Variants in CTNNA3 observed in about 807,000 individuals in gnomAD.
The protein encoded by CTNNA3 is catenin alpha-3.
Under a neutral mutation model 95.7 loss-of-function variants are expected in CTNNA3, and 76 were observed. The ratio of observed to expected loss-of-function variants is 0.79; its 90% CI spans 0.66 to 0.96. CTNNA3 has a LOEUF of 0.96. Ranked by LOEUF, CTNNA3 falls within the 40% of genes least tolerant of loss-of-function variation. The pLI, the probability that CTNNA3 is intolerant of heterozygous loss-of-function variation, is 0.00. For synonymous variants in CTNNA3, 431 were observed against 374.4 expected (o/e 1.15, Z -1.74); for missense variants, 1,191 against 1,089.8 (o/e 1.09, Z -1.31).
chr10:66,133,839 T>C (rs776374360), intron 13 of CTNNA3, among the ~76,000 whole-genome samples: 8 of 152,174 alleles, frequency 5.3e-5, no homozygotes, highest in Non-Finnish European at 1.0e-4. Flanking sequence ...TGACATAAAA[T>C]GGATGTGAAC....
At position 67,743,468 on chromosome 10, in the gene CTNNA3, C is replaced by T. The variant is rs552551243; in HGVS notation, c.-2+19966G>A. ...ATTCAACAACGCTTCATGCTAAAAA[C>T]TCTCAATAAATTAGGTATTGATGGG... On this transcript the variant is annotated intron_variant, in intron 1 of 17. Coordinates refer to the CTNNA3 transcript ENST00000684154. 6.1e-4 allele frequency among the ~76,000 whole-genome samples: 92 copies of T among 151,402 alleles called. 3 individuals carry two copies. Among genetic ancestry groups the T allele is most frequent in the African/African-American group, 2.1e-3 (88 of 41,400 alleles).
chr10:67,378,745 T>C lies in CTNNA3; in HGVS notation c.579+143097A>G, dbSNP rs556203211. On this transcript the variant is annotated intron_variant, in intron 5 of 17. Transcript: ENST00000433211. ...GAATGACAGGATTTCATTCTTTTTA[T>C]GGCTGAATAGTGTTAATGGAATATA... 2.6e-5 allele frequency among the ~76,000 whole-genome samples: 4 copies of C among 152,288 alleles called. No individual in the cohort carries two copies. The East Asian group carries it at 5.8e-4, about 22-fold the overall frequency.
At chr10:66,017,983 G>A (rs559390624) in intron 15 of CTNNA3, among the ~76,000 whole-genome samples, 15 of 152,000 alleles carry the variant, frequency 9.9e-5, no homozygotes, top group Admixed American at 3.3e-4. Flanking sequence ...CCATGAGCTC[G>A]GAAGGTACTA....
intron 14 of CTNNA3, among the ~76,000 whole-genome samples, chr10:66,100,207 G>C (rs570812755): frequency 3.9e-5 from 6 of 152,036 alleles, no homozygotes; most frequent in Non-Finnish European, 7.4e-5. Context: ...TCCTACTGGG[G>C]ACCCTTTCAG....
chr10:66,933,688 T>C (rs1034692007), intron 7 of CTNNA3, among the ~76,000 whole-genome samples: 5 of 152,208 alleles, frequency 3.3e-5, no homozygotes, highest in Non-Finnish European at 7.4e-5. Flanking sequence ...CTATTGACTT[T>C]ATCAATTATA....
At chr10:66,743,324 A>G (rs1177202528) in intron 9 of CTNNA3, among the ~76,000 whole-genome samples, 1 of 152,226 alleles carries the variant, frequency 6.6e-6, no homozygotes, top group Non-Finnish European at 1.5e-5. Flanking sequence ...TTAGAGGAAA[A>G]GATCGTACAA....
chr10:66,401,658 C>CT (rs540003137), intron 11 of CTNNA3, among the ~76,000 whole-genome samples: 33,217 of 116,182 alleles, frequency 0.29, 6,377 homozygotes, highest in East Asian at 0.44. Flanking sequence ...CCATTTCTTT[C>CT]TTTTTTTTTT....
intron 7 of CTNNA3, chr10:66,926,503 TG>T (rs1847082157): frequency 6.5e-7 from 1 of 1,541,302 alleles, no homozygotes; most frequent in Non-Finnish European, 8.9e-7. Context: ...CTCACTACAG[TG>T]CAGCTGACAG....
Position 65,917,427 on chromosome 10 carries a change from C to G in CTNNA3, c.*2903G>C, listed in dbSNP as rs1396968338. The stretch of plus-strand genomic sequence containing the variant: ...ATTTGATAGAAATCTTCAAATTTCT[C>G]TAATTAGAAGGCCATTTAGTGGATT... On this transcript the variant is annotated 3_prime_UTR_variant, in exon 18 of 18. Coordinates refer to ENST00000433211, the MANE Select transcript of CTNNA3 (RefSeq NM_013266.4). 2 of 149,564 alleles carry G rather than the reference C, an allele frequency of 1.3e-5. No individual in the cohort carries two copies. Among genetic ancestry groups the G allele is most frequent in the East Asian group, 4.0e-4 (2 of 5,056 alleles). The allele number at this position is 149,564 out of a possible 1,614,324, so 9.3% of individuals were successfully genotyped here. A position where few individuals can be genotyped will look rare whatever the true frequency, so the allele number is the denominator to read the frequency against.
intron 5 of CTNNA3, among the ~76,000 whole-genome samples, chr10:67,294,001 C>T (rs1162287878): frequency 1.3e-5 from 2 of 151,980 alleles, no homozygotes; most frequent in African/African-American, 4.8e-5. Context: ...ATTTTAAGTG[C>T]TCTAGGTTCA....
chr10:66,911,334 G>T (rs1409984109), intron 7 of CTNNA3, among the ~76,000 whole-genome samples: 1 of 152,226 alleles, frequency 6.6e-6, no homozygotes, highest in East Asian at 1.9e-4. Flanking sequence ...CTTTTGGATG[G>T]CGAGATCATG....
At chr10:65,978,311 T>C (rs2078247637) in intron 16 of CTNNA3, among the ~76,000 whole-genome samples, 1 of 152,184 alleles carries the variant, frequency 6.6e-6, no homozygotes, top group South Asian at 2.1e-4. Flanking sequence ...TCCTCCCTTA[T>C]ATCACCTCTC....
chr10:67,438,685 C>A (rs1378526162), intron 5 of CTNNA3, among the ~76,000 whole-genome samples: 4 of 152,168 alleles, frequency 2.6e-5, no homozygotes, highest in Admixed American at 1.3e-4. Context: ...GCCACCCCTC[C>A]CCAATCTCCA....
chr10:66,944,672 C>T (rs1848191797), intron 7 of CTNNA3, among the ~76,000 whole-genome samples: 1 of 152,144 alleles, frequency 6.6e-6, no homozygotes, highest in African/African-American at 2.4e-5. Flanking sequence ...TTGCCCAGAT[C>T]CATCAAAGGA....
At chr10:67,489,457 T>C (rs973701983) in intron 5 of CTNNA3, among the ~76,000 whole-genome samples, 3 of 152,182 alleles carry the variant, frequency 2.0e-5, no homozygotes, top group African/African-American at 7.2e-5. Context: ...CATTTGAGCA[T>C]GTATTCACTA....
At chr10:67,008,541 T>C (rs1852139462) in intron 7 of CTNNA3, among the ~76,000 whole-genome samples, 1 of 152,190 alleles carries the variant, frequency 6.6e-6, no homozygotes, top group Non-Finnish European at 1.5e-5. Flanking sequence ...TGTTCATAAT[T>C]GTGTGAGTTA....
chr10:67,607,824 C>G (rs1843331828), intron 2 of CTNNA3, among the ~76,000 whole-genome samples: 1 of 152,214 alleles, frequency 6.6e-6, no homozygotes, highest in South Asian at 2.1e-4. Context: ...CTCTCTTCAA[C>G]TACCCCAGTC....
rs537424684 is a variant in CTNNA3, at chr10:66,229,019, G to A, written c.1884+51451C>T. Among the ~76,000 whole-genome samples the A allele has an allele frequency of 3.3e-5, 5 of 152,240 alleles. No homozygotes were observed. The South Asian group carries it at 8.3e-4, about 25-fold the overall frequency. On this transcript the variant is annotated intron_variant, in intron 13 of 17. Transcript: ENST00000433211. ...CCATTCTTTGACTTTCAGTCTGCAT[G>A]TGTATTTCCAGGTAAAGTGAGCTTC...
intron 15 of CTNNA3, among the ~76,000 whole-genome samples, chr10:66,006,090 G>A (rs1319984952): frequency 1.3e-5 from 2 of 148,400 alleles, no homozygotes; most frequent in East Asian, 4.0e-4. Context: ...TCGGCTCAGT[G>A]CAAGCTCTGC....
Sources: allele counts gnomAD v4.1 joint callset (sites outside exome capture counted in the v4.1 genomes callset), GRCh38; gene constraint gnomAD v4.1.1; transcripts MANE v1.5; gene names NCBI Gene and HGNC (gene_info 2026-07-23, HGNC 2026-07-21).